RNF216: variants seen among roughly 807,000 people sequenced by gnomAD.
RNF216 encodes the protein E3 ubiquitin-protein ligase RNF216.
A neutral mutation model predicts 110.8 loss-of-function variants in RNF216; 72 were observed. That is an observed-to-expected ratio of 0.65 (90% CI 0.54 to 0.79). The LOEUF is 0.79. Ranked by LOEUF, RNF216 falls within the 30% of genes least tolerant of loss-of-function variation. The pLI, the probability that RNF216 is intolerant of heterozygous loss-of-function variation, is 0.00. For missense variants in RNF216, 1,342 were observed against 1,141.2 expected, an observed-to-expected ratio of 1.18 and a Z score of -2.54; for synonymous variants, 495 against 407.5, an observed-to-expected ratio of 1.21 and a Z score of -2.59.
At chr7:5,738,087 C>CAAAAAAAAAAAA (rs200643372) in intron 5 of RNF216, among the ~76,000 whole-genome samples, 6 of 111,002 alleles carry the variant, frequency 5.4e-5, no homozygotes, top group African/African-American at 2.4e-4. Context: ...AGACTGTCTC[C>CAAAAAAAAAAAA]AAAAAAAAAA....
In RNF216 at chr7:5,741,035, T is replaced by C. The variant is rs573908135; in HGVS notation, c.982A>G (p.Ile328Val). 1.9e-6 allele frequency: 3 copies of C among 1,614,018 alleles called. No individual in the cohort carries two copies. Among genetic ancestry groups the C allele is most frequent in the East Asian group, 4.5e-5 (2 of 44,888 alleles). The change falls in exon 4 of 17, where the codon ATT (isoleucine) becomes GTT (valine). Residue 328 changes from isoleucine to valine, a missense_variant. Physicochemically the swap from Ile to Val is conservative, Grantham distance 29. Transcript: ENST00000389902. ...ACCTCTGCAGCTTCTTGCCCCCAAA[T>C]GTTTTCCAAATTGGGCTCTTGAGAT... ...QESQEPNLEN[I>V]WGQEAAEVDQ... is the part of the protein sequence containing the mutation.
intron 13 of RNF216, among the ~76,000 whole-genome samples, chr7:5,689,571 C>T (rs940595449): frequency 6.6e-6 from 1 of 151,916 alleles, no homozygotes; most frequent in Admixed American, 6.6e-5. Context: ...GGACTTCCTA[C>T]AAGTTTTTAA....
At chr7:5,681,117 G>A (rs1057168182) in intron 13 of RNF216, among the ~76,000 whole-genome samples, 7 of 152,126 alleles carry the variant, frequency 4.6e-5, no homozygotes, top group African/African-American at 1.2e-4. Context: ...CTCTTTGAAC[G>A]CCTAGCCTCT....
chr7:5,644,088 T>G (rs537162581), intron 14 of RNF216, among the ~76,000 whole-genome samples: 1 of 152,256 alleles, frequency 6.6e-6, no homozygotes, highest in Admixed American at 6.5e-5. Context: ...TATTCATGAG[T>G]TGATGGATTG....
intron 15 of RNF216, among the ~76,000 whole-genome samples, chr7:5,625,860 A>C (rs141445117): frequency 0.01 from 1,582 of 152,312 alleles, 24 homozygotes; most frequent in African/African-American, 0.036. Flanking sequence ...GACACTATTA[A>C]ATTCTCCTAC....
chr7:5,637,639 C>T (rs768697658), intron 15 of RNF216, among the ~76,000 whole-genome samples: 14 of 152,136 alleles, frequency 9.2e-5, no homozygotes, highest in Admixed American at 2.6e-4. Flanking sequence ...CCTAACGTCC[C>T]GGGCTAAAGC....
In RNF216 at chr7:5,724,635, A is replaced by C. The variant is rs185302663; in HGVS notation, c.1504+689T>G. 2.1e-3 allele frequency among the ~76,000 whole-genome samples: 326 copies of C among 152,362 alleles called. 3 individuals are homozygous for C. Among genetic ancestry groups the C allele is most frequent in the Middle Eastern group, 0.01 (3 of 294 alleles). On this transcript the variant is annotated intron_variant, in intron 8 of 16. Coordinates refer to ENST00000389902, the MANE Select transcript of RNF216 (RefSeq NM_207111.4). ...TTTTCTTTTAGAGCCTGAAAAGTTC[A>C]TAGTAAATACAAATACTTTCCAGCT...
Position 5,666,147 on chromosome 7 carries a change from C to G in RNF216, c.2062-13637G>C, listed in dbSNP as rs967116307. 3.3e-4 allele frequency among the ~76,000 whole-genome samples: 44 copies of G among 133,594 alleles called. 1 individual carries two copies. The highest frequency in any genetic ancestry group is 9.4e-4 in the Admixed American group (11 of 11,696). The allele number at this position is 133,594 out of a possible 152,430, so 87.6% of individuals were successfully genotyped here. A position where few individuals can be genotyped will look rare whatever the true frequency, so the allele number is the denominator to read the frequency against. On this transcript the variant is annotated intron_variant, in intron 13 of 16. Transcript: ENST00000389902. ...CGCCACTGCACTCCAGCCTGGGCGA[C>G]AGAGTGAGACTCCGTCTCAAAAAAA...
At position 5,653,989 on chromosome 7, in the gene RNF216, C is replaced by T. The variant is rs183322551; in HGVS notation, c.2062-1479G>A. ...CATGATGAGCAGTTTTTTCTTTATC[C>T]TATGAGCACTAGGAAGCCCCCAAAA... On this transcript the variant is annotated intron_variant, in intron 13 of 16. Coordinates refer to ENST00000389902, the MANE Select transcript of RNF216 (RefSeq NM_207111.4). Among the ~76,000 whole-genome samples the T allele has an allele frequency of 8.3e-3, 1,265 of 152,334 alleles. 7 individuals carry two copies. The highest frequency in any genetic ancestry group is 0.012 in the Non-Finnish European group (828 of 68,038).
intron 13 of RNF216, among the ~76,000 whole-genome samples, chr7:5,668,728 C>T (rs893740777): frequency 1.2e-4 from 19 of 152,120 alleles, no homozygotes; most frequent in Non-Finnish European, 2.6e-4. Flanking sequence ...GATCCCAGTC[C>T]CGAGGAAGAA....
intron 13 of RNF216, among the ~76,000 whole-genome samples, chr7:5,674,205 T>C (rs1282656865): frequency 6.6e-6 from 1 of 152,058 alleles, no homozygotes. Context: ...AATTTTTGTA[T>C]TTTTAGTAGA....
At chr7:5,747,435 C>G (rs1268488506) in intron 3 of RNF216, among the ~76,000 whole-genome samples, 1 of 152,192 alleles carries the variant, frequency 6.6e-6, no homozygotes. Context: ...CAAGTACTAT[C>G]CAGTCTACTT....
intron 9 of RNF216, among the ~76,000 whole-genome samples, chr7:5,718,584 T>C (rs1793213219): frequency 6.6e-6 from 1 of 151,234 alleles, no homozygotes; most frequent in South Asian, 2.1e-4. Context: ...TCTTGCTTTG[T>C]TGCCCAGGCT....
intron 4 of RNF216, among the ~76,000 whole-genome samples, chr7:5,739,896 G>A (rs1048328977): frequency 7.3e-5 from 11 of 151,696 alleles, no homozygotes; most frequent in Non-Finnish European, 1.2e-4. Flanking sequence ...CCAGCTACTC[G>A]GGAGGCAGAG....
At chr7:5,664,137 C>T (rs1789349600) in intron 13 of RNF216, among the ~76,000 whole-genome samples, 2 of 152,194 alleles carry the variant, frequency 1.3e-5, no homozygotes, top group African/African-American at 4.8e-5. Context: ...AGCACATCTT[C>T]TCCATGCAGA....
chr7:5,750,720 G>C (rs1273686283), intron 3 of RNF216, among the ~76,000 whole-genome samples: 1 of 152,166 alleles, frequency 6.6e-6, no homozygotes, highest in African/African-American at 2.4e-5. Flanking sequence ...ATTGGAGCAA[G>C]ACTCCCCCTC....
At chr7:5,709,955 T>C (rs2128627756) in intron 13 of RNF216, among the ~76,000 whole-genome samples, 1 of 152,298 alleles carries the variant, frequency 6.6e-6, no homozygotes, top group East Asian at 1.9e-4. Context: ...ATAGGGTCTA[T>C]GTTGCTCAGG....
intron 1 of RNF216, among the ~76,000 whole-genome samples, chr7:5,767,522 G>T (rs1199441484): frequency 6.6e-6 from 1 of 151,902 alleles, no homozygotes; most frequent in Non-Finnish European, 1.5e-5. Context: ...ATACATGCAG[G>T]ACTAGACTCC....
In RNF216 at chr7:5,764,481, C is replaced by G. The variant is rs193080157; in HGVS notation, c.-69-3343G>C. Reference sequence around the variant, plus strand: ...TGGTCAACATGGCAAAACGCCGTCTCTACTAAAAATACAAAAATCAGCTTG... The same window carrying G: ...TGGTCAACATGGCAAAACGCCGTCTGTACTAAAAATACAAAAATCAGCTTG... On this transcript the variant is annotated intron_variant, in intron 1 of 16. Transcript: ENST00000389902. Among the ~76,000 whole-genome samples the G allele has an allele frequency of 2.1e-3, 317 of 151,842 alleles. 1 individual carries two copies. The highest frequency in any genetic ancestry group is 7.2e-3 in the African/African-American group (300 of 41,426).
Sources: gnomAD v4.1 joint callset for allele counts (sites outside exome capture counted in the v4.1 genomes callset) on GRCh38, gnomAD v4.1.1 for gene constraint, MANE v1.5 for transcripts, NCBI Gene and HGNC (gene_info 2026-07-23, HGNC 2026-07-21) for gene names.